The following COL4A3 variants were observed in gnomAD, a reference collection of about 807,000 sequenced individuals.
COL4A3 encodes collagen type IV alpha 3 chain, also known as collagen alpha-3(IV) chain.
COL4A3 carries 135 observed loss-of-function variants against 217.4 expected under a neutral mutation model. The observed-to-expected ratio is 0.62, with a 90% CI of 0.54 to 0.72. The LOEUF (loss-of-function observed/expected upper bound fraction) is 0.72. COL4A3 is among the 30% of genes least tolerant of loss of function. The pLI, the probability that COL4A3 is intolerant of heterozygous loss-of-function variation, is 0.00. For missense variants in COL4A3, 1,868 were observed against 2,119.9 expected, an observed-to-expected ratio of 0.88 and a Z score of 2.33; for synonymous variants, 690 against 736.3, an observed-to-expected ratio of 0.94 and a Z score of 1.02.
intron 42 of COL4A3, among the ~76,000 whole-genome samples, chr2:227,298,193 C>T (rs1464804313): frequency 1.3e-5 from 2 of 152,080 alleles, no homozygotes; most frequent in Non-Finnish European, 2.9e-5. Flanking sequence ...ACTAAAAATA[C>T]AAAAATTAGC....
chr2:227,311,217 T>C (rs1291476031), intron 51 of COL4A3, among the ~76,000 whole-genome samples: 2 of 152,200 alleles, frequency 1.3e-5, no homozygotes, highest in Non-Finnish European at 2.9e-5. Context: ...GTGGGAGTAG[T>C]TTTTATTACC....
intron 1 of COL4A3, among the ~76,000 whole-genome samples, chr2:227,174,547 C>T (rs987684229): frequency 1.3e-5 from 2 of 152,018 alleles, no homozygotes; most frequent in African/African-American, 4.8e-5. Context: ...TGCTCTGTCA[C>T]CCAGGTTGGA....
At chr2:227,193,063 A>G (rs1325035434) in intron 1 of COL4A3, among the ~76,000 whole-genome samples, 2 of 152,216 alleles carry the variant, frequency 1.3e-5, no homozygotes, top group Non-Finnish European at 2.9e-5. Context: ...CCATGCTTTG[A>G]GATGCACTAG....
chr2:227,231,922 G>A (rs376402409), intron 1 of COL4A3, among the ~76,000 whole-genome samples: 1 of 139,522 alleles, frequency 7.2e-6, no homozygotes, highest in Non-Finnish European at 1.6e-5. Flanking sequence ...ATTTTTTTTT[G>A]TACCCATTAA....
chr2:227,282,384 G>C lies in COL4A3; in HGVS notation c.2508G>C (p.Gly836=), dbSNP rs761047345. Reference sequence around the variant, plus strand: ...ACACAGGCAGAAGAGGTAAAACGGGGCCAAAGGGAGACCCAGGAATTCCAG... The same window carrying C: ...ACACAGGCAGAAGAGGTAAAACGGGCCCAAAGGGAGACCCAGGAATTCCAG... The part of the protein sequence containing the change: ...KGQQGRRGKT[G]PKGDPGIPGL... Residue 836 remains glycine (G), a synonymous_variant, in exon 32 of 52, where the codon GGG becomes GGC. Coordinates refer to ENST00000396578, the MANE Select transcript of COL4A3 (RefSeq NM_000091.5). This position sits in a 1 kb window ranked among gnomAD's most constrained non-coding sequence, Gnocchi z 4.4. The C allele has an allele frequency of 6.2e-7, 1 of 1,612,530 alleles. No homozygotes were observed. The highest frequency in any genetic ancestry group is 8.5e-7 in the Non-Finnish European group (1 of 1,179,624).
Position 227,234,594 on chromosome 2 carries a change from T to C in COL4A3, c.88-3374T>C, listed in dbSNP as rs528593096. Among the ~76,000 whole-genome samples the C allele has an allele frequency of 2.6e-5, 4 of 152,328 alleles. No homozygotes were observed. In the South Asian group the frequency reaches 8.3e-4, roughly 32 times the overall value. ...AAACACTTGTTTACGACATCTTATA[T>C]GCCAAAGATACCAGTGTGACTATGA... On this transcript the variant is annotated intron_variant, in intron 1 of 51. Transcript: ENST00000396578.
chr2:227,225,145 A>T (rs1243234510), intron 1 of COL4A3, among the ~76,000 whole-genome samples: 6 of 152,190 alleles, frequency 3.9e-5, no homozygotes, highest in Non-Finnish European at 7.3e-5. Context: ...GGCTCAAGTA[A>T]TCCTCCCACC....
chr2:227,168,233 G>A (rs2065346406), intron 1 of COL4A3, among the ~76,000 whole-genome samples: 1 of 152,190 alleles, frequency 6.6e-6, no homozygotes, highest in East Asian at 1.9e-4. Flanking sequence ...GTGGTTCGTA[G>A]AGAAAACAAA....
chr2:227,273,161 T>C, intron 26 of COL4A3, 44 bp downstream of exon 26: 2 of 1,605,120 alleles, frequency 1.2e-6, no homozygotes, highest in Non-Finnish European at 1.7e-6. Context: ...ATGGAGTGGG[T>C]TGATGGTTTC....
chr2:227,273,473 T>C (rs2125997762), intron 26 of COL4A3, among the ~76,000 whole-genome samples: 1 of 152,334 alleles, frequency 6.6e-6, no homozygotes, highest in Admixed American at 6.5e-5. Flanking sequence ...GGCATAATTA[T>C]AGTTTACTGC....
In COL4A3 at chr2:227,168,059, T is replaced by C. The variant is rs116044638; in HGVS notation, c.87+3246T>C. On this transcript the variant is annotated intron_variant, in intron 1 of 51. Transcript: ENST00000396578. ...CATGTTGGTACATATAGATATGATG[T>C]ATTTGTAGTAATAGCTGCTGCATAG... 8.8e-3 allele frequency among the ~76,000 whole-genome samples: 1,343 copies of C among 152,360 alleles called. 13 individuals are homozygous for C. The highest frequency in any genetic ancestry group is 0.03 in the African/African-American group (1,256 of 41,582).
intron 1 of COL4A3, among the ~76,000 whole-genome samples, chr2:227,193,256 G>A (rs1470514071): frequency 6.6e-6 from 1 of 152,134 alleles, no homozygotes; most frequent in Non-Finnish European, 1.5e-5. Context: ...GGAACTGGAT[G>A]AAGAATCAAA....
At position 227,164,891 on chromosome 2, in the gene COL4A3, C is replaced by G. The variant is rs1168810654; in HGVS notation, c.87+78C>G. Reference sequence around the variant, plus strand: ...CGTCCGGGGGACGCGCTGGCCCCACCCGCAGCGGCGCGGTAGTGGAGCGGC... The same window carrying G: ...CGTCCGGGGGACGCGCTGGCCCCACGCGCAGCGGCGCGGTAGTGGAGCGGC... On this transcript the variant is annotated intron_variant, in intron 1 of 51. Coordinates refer to ENST00000396578, the MANE Select transcript of COL4A3 (RefSeq NM_000091.5). This position sits in a 1 kb window ranked among gnomAD's most constrained non-coding sequence, Gnocchi z 4.8. 72 of 1,387,560 alleles carry G rather than the reference C, an allele frequency of 5.2e-5. No individual in the cohort carries two copies. Among genetic ancestry groups the G allele is most frequent in the Admixed American group, 1.9e-4 (6 of 30,808 alleles). The allele number at this position is 1,387,560 out of a possible 1,614,324, so 86.0% of individuals were successfully genotyped here. A position where few individuals can be genotyped will look rare whatever the true frequency, so the allele number is the denominator to read the frequency against.
intron 1 of COL4A3, among the ~76,000 whole-genome samples, chr2:227,171,296 G>A (rs2065464432): frequency 6.6e-6 from 1 of 152,120 alleles, no homozygotes; most frequent in Non-Finnish European, 1.5e-5. Context: ...GGTTCTGCCT[G>A]TTCTGAACTT....
chr2:227,274,916 A>C (rs1449030187), intron 26 of COL4A3, among the ~76,000 whole-genome samples: 1 of 152,204 alleles, frequency 6.6e-6, no homozygotes, highest in Non-Finnish European at 1.5e-5. Flanking sequence ...CACATTTTCA[A>C]ATGATTGAAA....
chr2:227,212,035 C>G (rs1292688259), intron 1 of COL4A3, among the ~76,000 whole-genome samples: 1 of 152,090 alleles, frequency 6.6e-6, no homozygotes, highest in Non-Finnish European at 1.5e-5. Flanking sequence ...GAAGGCATAC[C>G]TGAGTTTGGG....
chr2:227,276,264 CAG>C (rs2071554680), intron 26 of COL4A3, 119 bp from the exon 27 acceptor site: 2 of 771,144 alleles, frequency 2.6e-6, no homozygotes, highest in Non-Finnish European at 4.5e-6. Context: ...TCTGTGAAAA[CAG>C]AGGTTATTTT....
At chr2:227,277,396 A>G in intron 27 of COL4A3, 53 bp from the exon 28 acceptor site, 1 of 1,089,234 alleles carries the variant, frequency 9.2e-7, no homozygotes. Context: ...CTTTTAAAAT[A>G]AGATGAAGGA....
chr2:227,224,411 G>A (rs567198009), intron 1 of COL4A3, among the ~76,000 whole-genome samples: 2 of 152,200 alleles, frequency 1.3e-5, no homozygotes, highest in African/African-American at 4.8e-5. Flanking sequence ...AACTAAGCTA[G>A]TAGTTTTCCA....
Sources: allele counts gnomAD v4.1 joint callset (sites outside exome capture counted in the v4.1 genomes callset), GRCh38; gene constraint gnomAD v4.1.1; non-coding constraint Gnocchi (gnomAD v3.1); transcripts MANE v1.5; gene names NCBI Gene and HGNC (gene_info 2026-07-23, HGNC 2026-07-21).